Variants in KHDRBS2 observed in about 807,000 individuals in gnomAD.
KHDRBS2 encodes the protein KH domain-containing, RNA-binding, signal transduction-associated protein 2.
Under a neutral mutation model 44.3 loss-of-function variants are expected in KHDRBS2, and 26 were observed. The ratio of observed to expected loss-of-function variants is 0.59; its 90% confidence interval spans 0.43 to 0.81. The LOEUF is 0.81. KHDRBS2 is among the 40% of genes least tolerant of loss of function. The pLI is 0.00. For synonymous variants in KHDRBS2, 194 were observed against 151.1 expected (o/e 1.28, Z -2.08); for missense variants, 476 against 433.1 (o/e 1.10, Z -0.88).
intron 6 of KHDRBS2, among the ~76,000 whole-genome samples, chr6:61,874,882 A>C (rs1799194976): frequency 6.6e-6 from 1 of 152,168 alleles, no homozygotes; most frequent in East Asian, 1.9e-4. Flanking sequence ...ATCTCTTTAG[A>C]ACCAGCTATC....
intron 1 of KHDRBS2, among the ~76,000 whole-genome samples, chr6:62,191,879 C>T (rs1244123534): frequency 6.6e-6 from 1 of 152,020 alleles, no homozygotes; most frequent in Non-Finnish European, 1.5e-5. Context: ...GAAACCACAA[C>T]AAAAGAGTGA....
intron 2 of KHDRBS2, among the ~76,000 whole-genome samples, chr6:62,064,930 T>G (rs561132164): frequency 6.6e-6 from 1 of 150,418 alleles, no homozygotes; most frequent in Non-Finnish European, 1.5e-5. Context: ...CAAACAAATT[T>G]ACAAGAAAAA....
intron 4 of KHDRBS2, among the ~76,000 whole-genome samples, chr6:61,942,400 CA>C (rs1426535008): frequency 3.3e-5 from 5 of 151,448 alleles, no homozygotes; most frequent in African/African-American, 1.2e-4. Context: ...AAGAACAAAA[CA>C]AAAATTCTGC....
At chr6:62,085,285 A>G (rs975097737) in intron 2 of KHDRBS2, among the ~76,000 whole-genome samples, 19 of 152,126 alleles carry the variant, frequency 1.2e-4, no homozygotes, top group African/African-American at 3.9e-4. Context: ...GAGAATGTGG[A>G]TTGAAAAGAA....
chr6:62,032,609 C>T (rs973367578), intron 3 of KHDRBS2, among the ~76,000 whole-genome samples: 7 of 151,144 alleles, frequency 4.6e-5, no homozygotes, highest in South Asian at 4.2e-4. Context: ...CAAATAAAAC[C>T]GTCAAGATGG....
intron 2 of KHDRBS2, among the ~76,000 whole-genome samples, chr6:62,169,034 C>CTCATATATATAT (rs1819274841): frequency 1.4e-5 from 1 of 72,582 alleles, no homozygotes; most frequent in Admixed American, 1.3e-4. Context: ...GTTCTCCAGT[C>CTCATATATATAT]ATATATATAT....
intron 3 of KHDRBS2, among the ~76,000 whole-genome samples, chr6:61,983,847 T>C (rs1160735410): frequency 6.6e-6 from 1 of 152,224 alleles, no homozygotes; most frequent in African/African-American, 2.4e-5. Flanking sequence ...TGGAAAACTA[T>C]AAACCACTCT....
At chr6:61,713,625 C>CT (rs1335948006) in intron 7 of KHDRBS2, among the ~76,000 whole-genome samples, 5 of 141,964 alleles carry the variant, frequency 3.5e-5, no homozygotes, top group African/African-American at 5.1e-5. Context: ...TTTTCAGGCT[C>CT]TTTTTTTGAT....
At chr6:62,104,482 C>A (rs1251841190) in intron 2 of KHDRBS2, among the ~76,000 whole-genome samples, 1 of 151,934 alleles carries the variant, frequency 6.6e-6, no homozygotes, top group African/African-American at 2.4e-5. Context: ...AATTGGGTAT[C>A]AGTAATTAAA....
chr6:62,190,054 T>C (rs1001022807), intron 1 of KHDRBS2, among the ~76,000 whole-genome samples: 2 of 152,088 alleles, frequency 1.3e-5, no homozygotes, highest in Non-Finnish European at 2.9e-5. Flanking sequence ...AGCCCAGTGA[T>C]ACTCTAATAT....
intron 2 of KHDRBS2, among the ~76,000 whole-genome samples, chr6:62,062,632 T>C (rs1482415994): frequency 6.7e-6 from 1 of 148,614 alleles, no homozygotes; most frequent in African/African-American, 2.5e-5. Flanking sequence ...CAAAGCAGTG[T>C]GTAGAGGGAA....
intron 6 of KHDRBS2, among the ~76,000 whole-genome samples, chr6:61,790,247 T>A (rs555584978): frequency 1.8e-4 from 28 of 151,544 alleles, no homozygotes; most frequent in East Asian, 3.9e-4. Flanking sequence ...ACCAGAGTGC[T>A]CTTCTAATTT....
chr6:61,608,755 A>G, the KHDRBS2 span, among the ~76,000 whole-genome samples: 1 of 152,132 alleles, frequency 6.6e-6, no homozygotes, highest in African/African-American at 2.4e-5. Context: ...ATGTCCCTGA[A>G]AAGGACATGA....
chr6:62,210,709 A>T (rs1828900501), intron 1 of KHDRBS2, among the ~76,000 whole-genome samples: 1 of 152,204 alleles, frequency 6.6e-6, no homozygotes, highest in South Asian at 2.1e-4. Flanking sequence ...TTCACAGAAC[A>T]CATTATTTTA....
chr6:61,872,376 G>A (rs550293107), intron 6 of KHDRBS2, among the ~76,000 whole-genome samples: 1 of 152,038 alleles, frequency 6.6e-6, no homozygotes, highest in African/African-American at 2.4e-5. Flanking sequence ...ATAAATTTTA[G>A]AAATATTTCT....
chr6:61,887,939 A>G (rs1366874839), intron 6 of KHDRBS2, among the ~76,000 whole-genome samples: 1 of 152,208 alleles, frequency 6.6e-6, no homozygotes, highest in African/African-American at 2.4e-5. Flanking sequence ...TCAGTCACGT[A>G]TTAAACCTTA....
chr6:61,958,185 G>A (rs528684287), intron 4 of KHDRBS2, among the ~76,000 whole-genome samples: 22 of 152,190 alleles, frequency 1.4e-4, no homozygotes, highest in Admixed American at 8.5e-4. Flanking sequence ...AAGACACACA[G>A]AACAATATCC....
intron 1 of KHDRBS2, among the ~76,000 whole-genome samples, chr6:62,222,562 A>C (rs757142448): frequency 7.2e-5 from 11 of 152,118 alleles, no homozygotes; most frequent in Non-Finnish European, 1.3e-4. Flanking sequence ...TCCCTCAAAC[A>C]ACATGTGGGA....
In KHDRBS2 at chr6:61,973,470, A is replaced by G. The variant is rs542666825; in HGVS notation, c.483+4596T>C. On this transcript the variant is annotated intron_variant, in intron 4 of 8. Transcript: ENST00000281156. ...AAGGTTTTACTTTTCCTCCATAGTC[A>G]GGCTCTTGGTAGGTTTCCCAGATGT... is the stretch of plus-strand genomic sequence containing the variant. 9.2e-5 allele frequency among the ~76,000 whole-genome samples: 14 copies of G among 152,304 alleles called. 1 individual carries two copies. The highest frequency in any genetic ancestry group is 5.9e-4 in the Admixed American group (9 of 15,292).
Sources: gnomAD v4.1 joint callset for allele counts (sites outside exome capture counted in the v4.1 genomes callset) on GRCh38, gnomAD v4.1.1 for gene constraint, MANE v1.5 for transcripts, NCBI Gene and HGNC (gene_info 2026-07-23, HGNC 2026-07-21) for gene names.